INSL6: variants seen among roughly 807,000 people sequenced by gnomAD.
INSL6 encodes insulin-like peptide INSL6.
Under a neutral mutation model 9.4 loss-of-function variants are expected in INSL6, and 16 were observed. The ratio of observed to expected loss-of-function variants is 1.70; its 90% confidence interval spans 1.15 to 2.59. The LOEUF is 2.59. INSL6 is among the 30% of genes most tolerant of loss of function. The pLI, the probability that INSL6 is intolerant of heterozygous loss-of-function variation, is 0.00. For missense variants in INSL6, 391 were observed against 257.3 expected (o/e 1.52, Z -3.56); for synonymous variants, 154 against 96.9 (o/e 1.59, Z -3.46).
intron 1 of INSL6, among the ~76,000 whole-genome samples, chr9:5,166,789 T>G (rs1289008494): frequency 6.6e-6 from 1 of 152,294 alleles, no homozygotes; most frequent in East Asian, 1.9e-4. Flanking sequence ...CCCAGCTCAT[T>G]TTATGAAGCT....
At chr9:5,050,654 A>G in the INSL6 span, 1 of 1,590,460 alleles carries the variant, frequency 6.3e-7, no homozygotes, top group Non-Finnish European at 8.6e-7. Context: ...GAAACTTACG[A>G]TGAGATATTT....
Position 5,185,151 on chromosome 9 carries a change from G to T in INSL6, c.289+163C>A, listed in dbSNP as rs150429534. On this transcript the variant is annotated intron_variant, in intron 1 of 1. Coordinates refer to ENST00000381641, the MANE Select transcript of INSL6 (RefSeq NM_007179.3). ...AAGTTAAAAAAAAAAGCGCTTCATT[G>T]AAGTTTTGTATATTTTCAATACACT... Among the ~76,000 whole-genome samples, 11 of 152,106 alleles carry T rather than the reference G, an allele frequency of 7.2e-5. No individual in the cohort carries two copies. The East Asian group carries it at 1.9e-3, about 27-fold the overall frequency.
intron 2 of INSL6, among the ~76,000 whole-genome samples, chr9:5,150,847 ACACACAC>A (rs1824698057): frequency 2.5e-5 from 1 of 40,442 alleles, no homozygotes. Flanking sequence ...GATAAAGGAG[ACACACAC>A]ACACACACAC....
chr9:5,065,013 T>C, the INSL6 span: 13 of 1,602,820 alleles, frequency 8.1e-6, no homozygotes, highest in African/African-American at 8.1e-5. Flanking sequence ...CTTGAAAATA[T>C]ACAAAGCAAC....
At chr9:5,110,380 C>T in the INSL6 span, 6 of 152,274 alleles carry the variant, frequency 3.9e-5, 1 homozygote, top group Admixed American at 3.9e-4. Context: ...GCATTCTCCA[C>T]CTCAAGTCAG....
intron 1 of INSL6, among the ~76,000 whole-genome samples, chr9:5,167,647 C>T (rs578148376): frequency 3.3e-5 from 5 of 152,280 alleles, no homozygotes; most frequent in Admixed American, 3.3e-4. Flanking sequence ...GGAGGGTTGG[C>T]CACGCTATCG....
At chr9:5,072,686 T>G in the INSL6 span, 2 of 1,300,046 alleles carry the variant, frequency 1.5e-6, no homozygotes, top group South Asian at 3.8e-5. Flanking sequence ...TGCTCTCATA[T>G]GCATACAACG....
the INSL6 span, among the ~76,000 whole-genome samples, chr9:5,075,545 A>G: frequency 6.6e-6 from 1 of 152,218 alleles, no homozygotes; most frequent in Non-Finnish European, 1.5e-5. Context: ...GAAAGCCTAG[A>G]TGACAGCACA....
the INSL6 span, among the ~76,000 whole-genome samples, chr9:5,024,002 A>G: frequency 7.3e-4 from 111 of 152,246 alleles, no homozygotes; most frequent in Middle Eastern, 3.4e-3. Flanking sequence ...TACACCTGTA[A>G]TCCCAGCACT....
the INSL6 span, chr9:5,098,529 G>T: frequency 6.6e-6 from 1 of 152,074 alleles, no homozygotes; most frequent in Non-Finnish European, 1.5e-5. Flanking sequence ...AATTGAGACT[G>T]TTTGAACTAT....
chr9:5,013,787 A>G, the INSL6 span, among the ~76,000 whole-genome samples: 1 of 152,104 alleles, frequency 6.6e-6, no homozygotes, highest in African/African-American at 2.4e-5. Context: ...TTTAAAATTT[A>G]TTTTGTACTT....
At chr9:5,085,427 T>C in the INSL6 span, 1 of 749,774 alleles carries the variant, frequency 1.3e-6, no homozygotes. Context: ...CTGTTGGCTA[T>C]CAGGCTCGCA....
the INSL6 span, chr9:5,089,599 T>C: frequency 2.0e-6 from 1 of 492,738 alleles, no homozygotes; most frequent in Non-Finnish European, 3.2e-6. Context: ...TAGAATTTTC[T>C]ATATAATTAT....
the INSL6 span, among the ~76,000 whole-genome samples, chr9:5,021,688 G>C: frequency 6.6e-6 from 1 of 152,126 alleles, no homozygotes. Flanking sequence ...GTGCGGTGGA[G>C]TGCGGAGGTT....
At chr9:5,144,710 C>T (rs1448921994) in intron 2 of INSL6, among the ~76,000 whole-genome samples, 2 of 152,084 alleles carry the variant, frequency 1.3e-5, no homozygotes, top group East Asian at 3.9e-4. Flanking sequence ...TTGAATTGAA[C>T]CCTTTACCAT....
chr9:5,182,659 C>A (rs573145807), intron 1 of INSL6, among the ~76,000 whole-genome samples: 4 of 151,750 alleles, frequency 2.6e-5, no homozygotes, highest in East Asian at 1.9e-4. Context: ...ACAAAAAAAA[C>A]AAGAATATGT....
At chr9:5,099,229 G>A in the INSL6 span, 19 of 152,214 alleles carry the variant, frequency 1.2e-4, no homozygotes, top group African/African-American at 3.6e-4. Context: ...TCTTTACTAT[G>A]GACAGTGCTC....
chr9:5,079,046 A>C, the INSL6 span, among the ~76,000 whole-genome samples: 1 of 152,152 alleles, frequency 6.6e-6, no homozygotes, highest in Non-Finnish European at 1.5e-5. Context: ...TTAGATTCTA[A>C]ATTGATCAAT....
the INSL6 span, among the ~76,000 whole-genome samples, chr9:5,026,171 C>G: frequency 6.6e-6 from 1 of 152,268 alleles, no homozygotes; most frequent in East Asian, 1.9e-4. Flanking sequence ...AGATCATTTG[C>G]TCTTATTTTC....
Sources: gnomAD v4.1 joint callset for allele counts (sites outside exome capture counted in the v4.1 genomes callset) on GRCh38, gnomAD v4.1.1 for gene constraint, MANE v1.5 for transcripts, NCBI Gene and HGNC (gene_info 2026-07-23, HGNC 2026-07-21) for gene names.